Variants in ASIC2 observed in about 807,000 individuals in gnomAD.
The protein encoded by ASIC2 is acid-sensing ion channel 2.
Under a neutral mutation model 57.3 loss-of-function variants are expected in ASIC2, and 25 were observed. The ratio of observed to expected loss-of-function variants is 0.44; its 90% confidence interval spans 0.32 to 0.61. ASIC2 has a LOEUF of 0.61. Ranked by LOEUF, ASIC2 falls within the 20% of genes least tolerant of loss-of-function variation. The pLI, the probability that ASIC2 is intolerant of heterozygous loss-of-function variation, is 0.06. For missense variants in ASIC2, 641 were observed against 738.1 expected, an observed-to-expected ratio of 0.87 and a Z score of 1.52; for synonymous variants, 319 against 307.5, an observed-to-expected ratio of 1.04 and a Z score of -0.39.
chr17:33,078,419 G>A (rs1001394654), intron 3 of ASIC2, among the ~76,000 whole-genome samples: 8 of 152,186 alleles, frequency 5.3e-5, no homozygotes, highest in Non-Finnish European at 1.0e-4. Flanking sequence ...GAGTATTTAA[G>A]TTACACCATA....
At chr17:33,646,257 C>G (rs1906735411) in intron 1 of ASIC2, among the ~76,000 whole-genome samples, 2 of 152,102 alleles carry the variant, frequency 1.3e-5, no homozygotes, top group African/African-American at 4.8e-5. Context: ...AGATTAGGAA[C>G]AGAAAGAAGA....
chr17:33,955,726 G>C (rs1454087556), intron 1 of ASIC2, among the ~76,000 whole-genome samples: 1 of 152,106 alleles, frequency 6.6e-6, no homozygotes, highest in East Asian at 1.9e-4. Context: ...CTCCCTCTCA[G>C]AGGTCTGAGC....
chr17:33,081,962 G>C (rs1047021470), intron 3 of ASIC2, among the ~76,000 whole-genome samples: 11 of 152,192 alleles, frequency 7.2e-5, no homozygotes, highest in Non-Finnish European at 1.5e-5. Flanking sequence ...AGGCTAGAGA[G>C]GCAGTGGTTA....
intron 1 of ASIC2, among the ~76,000 whole-genome samples, chr17:33,592,538 A>T (rs900015992): frequency 1.2e-4 from 19 of 152,268 alleles, no homozygotes; most frequent in Non-Finnish European, 2.6e-4. Flanking sequence ...TGCATTCAGC[A>T]CTTTGCGATT....
chr17:33,367,773 A>C (rs140036529), intron 1 of ASIC2, among the ~76,000 whole-genome samples: 58 of 152,336 alleles, frequency 3.8e-4, no homozygotes, highest in African/African-American at 1.4e-3. Context: ...AAACAAAACA[A>C]TAACCTAGCT....
At chr17:33,766,273 G>A (rs1910934075) in intron 1 of ASIC2, among the ~76,000 whole-genome samples, 3 of 152,224 alleles carry the variant, frequency 2.0e-5, no homozygotes, top group Non-Finnish European at 2.9e-5. Flanking sequence ...TCATAGGTAT[G>A]TATAGGAGTA....
intron 1 of ASIC2, among the ~76,000 whole-genome samples, chr17:34,008,982 T>G (rs900842413): frequency 6.6e-6 from 1 of 152,230 alleles, no homozygotes; most frequent in Non-Finnish European, 1.5e-5. Flanking sequence ...AATTTAGACT[T>G]TTGATTCCTA....
chr17:33,930,210 T>A (rs896226718), intron 1 of ASIC2, among the ~76,000 whole-genome samples: 1 of 152,234 alleles, frequency 6.6e-6, no homozygotes, highest in East Asian at 1.9e-4. Flanking sequence ...ACTCTATCAC[T>A]TACGGGTTTC....
intron 1 of ASIC2, among the ~76,000 whole-genome samples, chr17:33,364,368 C>G: frequency 6.6e-6 from 1 of 152,200 alleles, no homozygotes; most frequent in African/African-American, 2.4e-5. Context: ...CAAAATGGGA[C>G]TTACAAACCA....
At position 33,067,862 on chromosome 17, in the gene ASIC2, G is replaced by A. The variant is rs1598261304; in HGVS notation, c.987+21001C>T. Among the ~76,000 whole-genome samples the A allele has an allele frequency of 5.3e-5, 8 of 152,288 alleles. No individual in the cohort carries two copies. The South Asian group carries it at 1.7e-3, about 32-fold the overall frequency. ...CAAAGCCACTTTGCCTTGGCTGTTG[G>A]GAATGACTTCTTTAATGCATCATCA... On this transcript the variant is annotated intron_variant, in intron 3 of 9. Transcript: ENST00000225823.
At chr17:33,991,966 G>T (rs561361320) in intron 1 of ASIC2, among the ~76,000 whole-genome samples, 3 of 152,172 alleles carry the variant, frequency 2.0e-5, no homozygotes, top group Non-Finnish European at 4.4e-5. Flanking sequence ...TGTCCAGGAG[G>T]TGTTTGATCT....
chr17:33,965,984 C>G (rs546746434), intron 1 of ASIC2, among the ~76,000 whole-genome samples: 1 of 152,334 alleles, frequency 6.6e-6, no homozygotes, highest in Non-Finnish European at 1.5e-5. Context: ...CTCTGCAATG[C>G]TGGAAAGATG....
intron 1 of ASIC2, chr17:34,070,199 G>GT (rs1233710248): frequency 6.6e-6 from 1 of 152,106 alleles, no homozygotes; most frequent in Non-Finnish European, 1.5e-5. Flanking sequence ...GCACGAACAA[G>GT]TTTTGCCTTC....
At chr17:33,860,111 CA>C (rs1914066600) in intron 1 of ASIC2, among the ~76,000 whole-genome samples, 1 of 152,154 alleles carries the variant, frequency 6.6e-6, no homozygotes, top group South Asian at 2.1e-4. Context: ...AAGGCTAAGC[CA>C]TGATTTCCTC....
At chr17:33,884,798 T>C (rs1278123340) in intron 1 of ASIC2, among the ~76,000 whole-genome samples, 2 of 149,708 alleles carry the variant, frequency 1.3e-5, no homozygotes, top group South Asian at 2.2e-4. Context: ...GCCCAAAGAA[T>C]ATAATCAAAC....
intron 1 of ASIC2, among the ~76,000 whole-genome samples, chr17:33,586,814 C>T (rs1904653673): frequency 2.6e-5 from 4 of 152,194 alleles, no homozygotes; most frequent in African/African-American, 7.2e-5. Context: ...CTACTTACAT[C>T]CAGCATTTAC....
intron 1 of ASIC2, among the ~76,000 whole-genome samples, chr17:33,204,690 A>G (rs779332043): frequency 2.6e-5 from 4 of 152,242 alleles, no homozygotes; most frequent in Non-Finnish European, 5.9e-5. Context: ...AATTACAGCC[A>G]GTGAAACTCA....
At chr17:33,214,007 G>C (rs1446633699) in intron 1 of ASIC2, among the ~76,000 whole-genome samples, 1 of 152,106 alleles carries the variant, frequency 6.6e-6, no homozygotes, top group African/African-American at 2.4e-5. Flanking sequence ...GATCCTTGAT[G>C]GTATAATGTG....
chr17:33,789,015 A>T (rs567357320), intron 1 of ASIC2, among the ~76,000 whole-genome samples: 1 of 152,202 alleles, frequency 6.6e-6, no homozygotes, highest in East Asian at 1.9e-4. Context: ...CATGTATCCC[A>T]TTTATTTTTT....
Sources: gnomAD v4.1 joint callset for allele counts (sites outside exome capture counted in the v4.1 genomes callset) on GRCh38, gnomAD v4.1.1 for gene constraint, MANE v1.5 for transcripts, NCBI Gene and HGNC (gene_info 2026-07-23, HGNC 2026-07-21) for gene names.